FN1: variants seen among roughly 807,000 people sequenced by gnomAD.
The protein encoded by FN1 is fibronectin 1.
Under a neutral mutation model 297.3 loss-of-function variants are expected in FN1, and 106 were observed. The observed-to-expected ratio is 0.36, with a 90% CI of 0.30 to 0.42. FN1 has a LOEUF of 0.42. Among genes scored for constraint, FN1 ranks in the 10% least tolerant of loss-of-function variants. The pLI is 1.00. For missense variants in FN1, 2,690 were observed against 3,124.9 expected, an observed-to-expected ratio of 0.86 and a Z score of 3.32; for synonymous variants, 1,149 against 1,152.6, an observed-to-expected ratio of 1.00 and a Z score of 0.06.
At position 215,380,924 on chromosome 2, in the gene FN1, T is replaced by A. The variant is rs372281306; in HGVS notation, c.5321A>T (p.Glu1774Val). ...GCCTTGCAGCTCTGCAGTGTCTTCT[T>A]CACCATCAGGTGCAGGGAATAGCTC... is the stretch of plus-strand genomic sequence containing the variant. Reference protein sequence around the residue: ...IHELFPAPDGEEDTAELQGLR... With the variant: ...IHELFPAPDGVEDTAELQGLR... Residue 1774 changes from glutamate (E) to valine (V), a missense_variant, in exon 33 of 46, where the codon GAA becomes GTA. Physicochemically the swap from Glu to Val is moderately radical, Grantham distance 121. Around this residue, in one of 3 missense-constraint regions of FN1, gnomAD observed 1,743 missense variants for 1,945.2 expected, o/e 0.90. Coordinates refer to ENST00000354785, the MANE Select transcript of FN1 (RefSeq NM_212482.4). The A allele has an allele frequency of 1.2e-5, 19 of 1,614,106 alleles. No homozygotes were observed. The highest frequency in any genetic ancestry group is 1.5e-5 in the Non-Finnish European group (18 of 1,180,044).
At chr2:215,395,299 A>AG (rs887574989) in intron 23 of FN1, among the ~76,000 whole-genome samples, 7 of 152,180 alleles carry the variant, frequency 4.6e-5, no homozygotes, top group African/African-American at 1.7e-4. Context: ...ATTGATTGGG[A>AG]GGTTGAGGCA....
At position 215,420,710 on chromosome 2, in the gene FN1, G is replaced by A. The variant is rs368833093; in HGVS notation, c.1638C>T (p.Phe546=). Residue 546 remains phenylalanine, a synonymous_variant, in exon 11 of 46, where the codon TTC becomes TTT. Transcript: ENST00000354785. ...EEGHMLNCTC[F]GQGRGRWKCD... ...ACTTCCACCTGCCCCGACCCTGACC[G>A]AAGCATGTACAGTTCAGCATGTGCC... is the stretch of plus-strand genomic sequence containing the variant. The A allele has an allele frequency of 5.0e-5, 81 of 1,614,116 alleles. No homozygotes were observed. In the African/African-American group the frequency reaches 7.9e-4, roughly 16 times the overall value.
chr2:215,371,736 C>A, intron 40 of FN1, 173 bp downstream of exon 40: 1 of 518,394 alleles, frequency 1.9e-6, no homozygotes, highest in Non-Finnish European at 3.6e-6. Context: ...TGGTCTTGAA[C>A]TCCTAACCTC....
rs55953250 is a variant in FN1 at position 215,361,861 on chromosome 2, GT to G, written c.7362+107del. 0.026 allele frequency: 28,057 copies of G among 1,084,532 alleles called. 98 individuals carry two copies. The highest frequency in any genetic ancestry group is 0.032 in the Middle Eastern group (95 of 2,972). 67.2% of individuals were successfully genotyped at this position (1,084,532 alleles called of 1,614,324 possible). ...GTTTCACTTAAGTCATTTATGAGTT[GT>G]TTTTTTTTTTAATTAATTAAAACAC... On this transcript the variant is annotated intron_variant, in intron 45 of 45. Transcript: ENST00000354785.
chr2:215,434,744 T>C lies in FN1; in HGVS notation c.229A>G (p.Thr77Ala), dbSNP rs2067162435. 6.2e-7 allele frequency: 1 copy of C among 1,614,068 alleles called. No homozygotes were observed. The highest frequency in any genetic ancestry group is 1.3e-5 in the African/African-American group (1 of 74,936). The change falls in exon 2 of 46, where the codon ACT (threonine) becomes GCT (alanine). Residue 77 changes from threonine (T) to alanine (A), a missense_variant. Thr to Ala is a moderately conservative substitution (Grantham distance 58). Coordinates refer to ENST00000354785, the MANE Select transcript of FN1 (RefSeq NM_212482.4). ...RTYLGNALVCTCYGGSRGFNC... is the reference protein window; with the variant it reads ...RTYLGNALVCACYGGSRGFNC... ...AAACCTCGGCTTCCTCCATAACAAG[T>C]ACAAACCAACGCATTGCCTAGGTAG... is the stretch of plus-strand genomic sequence containing the variant.
At position 215,364,781 on chromosome 2, in the gene FN1, G is replaced by A. The variant is rs1174698576; in HGVS notation, c.7251+98C>T. ...GGAAATGTGGTATTTTAATACTTCC[G>A]AAGGGTCTCTGCCCCTCCTGTGTGT... On this transcript the variant is annotated intron_variant, in intron 44 of 45. Coordinates refer to ENST00000354785, the MANE Select transcript of FN1 (RefSeq NM_212482.4). 14 of 797,398 alleles carry A rather than the reference G, an allele frequency of 1.8e-5. No individual in the cohort carries two copies. The East Asian group carries it at 2.1e-4, about 12-fold the overall frequency. 49.4% of individuals were successfully genotyped at this position (797,398 alleles called of 1,614,324 possible).
At chr2:215,423,244 C>G (rs1213015830) in intron 9 of FN1, 106 bp downstream of exon 9, 1 of 1,193,372 alleles carries the variant, frequency 8.4e-7, no homozygotes, top group African/African-American at 1.5e-5. Context: ...TCTGTTGTCT[C>G]AAAATTGTGT....
intron 12 of FN1, among the ~76,000 whole-genome samples, chr2:215,418,551 C>A (rs1257843935): frequency 6.6e-6 from 1 of 152,142 alleles, no homozygotes; most frequent in African/African-American, 2.4e-5. Context: ...TTTTAATTAG[C>A]CTTTCATGTT....
rs1345012499 is a variant in FN1, at chr2:215,370,552, AAC to A, written c.6715-122_6715-121del. ...AAGCAAAGGAAGACAAAAAACAAAAAACAAAAAAAAAAAAAAGAGGGAGGGTA... is the reference window on the plus strand; with the variant it reads ...AAGCAAAGGAAGACAAAAAACAAAAAAAAAAAAAAAAAAAGAGGGAGGGTA... On this transcript the variant is annotated intron_variant, in intron 40 of 45. Transcript: ENST00000354785. The A allele has an allele frequency of 8.6e-4, 408 of 476,190 alleles. 24 individuals carry two copies. Among genetic ancestry groups the A allele is most frequent in the South Asian group, 3.7e-3 (101 of 27,580 alleles). 29.5% of individuals were successfully genotyped at this position (476,190 alleles called of 1,614,324 possible).
chr2:215,415,330 A>C, intron 12 of FN1, among the ~76,000 whole-genome samples: 1 of 152,194 alleles, frequency 6.6e-6, no homozygotes, highest in Non-Finnish European at 1.5e-5. Flanking sequence ...TCATTTACTT[A>C]TTGTATTGAG....
chr2:215,408,211 A>G lies in FN1; in HGVS notation c.2429-14T>C. On this transcript the variant is annotated splice_polypyrimidine_tract_variant and intron_variant, in intron 16 of 45. Transcript: ENST00000354785. ...GGGCATCAGGCGCTAAGAAAGAAAG[A>G]AAGTGGGGCAAACAGTCAGGAAGTG... The G allele has an allele frequency of 6.2e-7, 1 of 1,613,566 alleles. No homozygotes were observed. Among genetic ancestry groups the G allele is most frequent in the Non-Finnish European group, 8.5e-7 (1 of 1,179,538 alleles).
intron 35 of FN1, among the ~76,000 whole-genome samples, chr2:215,377,238 C>G (rs1334615798): frequency 1.3e-5 from 2 of 152,150 alleles, no homozygotes; most frequent in Admixed American, 1.3e-4. Context: ...ATTGATATAA[C>G]AGAAGACTAG....
intron 26 of FN1, among the ~76,000 whole-genome samples, chr2:215,390,121 C>T (rs1247797615): frequency 6.6e-6 from 1 of 152,188 alleles, no homozygotes; most frequent in East Asian, 1.9e-4. Context: ...TCCATTTCCA[C>T]CATACTAGCT....
chr2:215,361,935 T>C, intron 45 of FN1, 34 bp downstream of exon 45: 1 of 1,610,956 alleles, frequency 6.2e-7, no homozygotes, highest in Non-Finnish European at 8.5e-7. Context: ...CTGTCTAGTA[T>C]GAGGGAACAC....
chr2:215,383,633 G>A, intron 30 of FN1, 150 bp from the exon 31 acceptor site: 1 of 854,102 alleles, frequency 1.2e-6, no homozygotes, highest in Non-Finnish European at 1.9e-6. Context: ...AGAGCTTTTA[G>A]AGGGATGGGG....
At chr2:215,407,946 C>G (rs539793723) in intron 17 of FN1, among the ~76,000 whole-genome samples, 162 bp downstream of exon 17, 14 of 78,388 alleles carry the variant, frequency 1.8e-4, no homozygotes, top group Admixed American at 5.1e-4. Flanking sequence ...ATAACTCCCC[C>G]ACCCCCGCCA....
intron 41 of FN1, among the ~76,000 whole-genome samples, chr2:215,369,905 A>G (rs1436805784): frequency 6.6e-6 from 1 of 152,216 alleles, no homozygotes; most frequent in Non-Finnish European, 1.5e-5. Context: ...TTCAGTATTT[A>G]ATCACTCAAG....
intron 9 of FN1, among the ~76,000 whole-genome samples, chr2:215,422,470 G>C (rs2064579934): frequency 6.6e-6 from 1 of 152,142 alleles, no homozygotes; most frequent in African/African-American, 2.4e-5. Flanking sequence ...GTTACAGGAA[G>C]GGTTAGGGGA....
chr2:215,380,771 C>T, intron 33 of FN1, 40 bp downstream of exon 33: 1 of 1,611,600 alleles, frequency 6.2e-7, no homozygotes, highest in Non-Finnish European at 8.5e-7. Context: ...CATAAAGCCG[C>T]TGCTCCCATG....
Sources: gnomAD v4.1 joint callset for allele counts (sites outside exome capture counted in the v4.1 genomes callset) on GRCh38, gnomAD v4.1.1 for gene constraint, gnomAD v4.1.1 regional missense constraint, MANE v1.5 for transcripts, NCBI Gene and HGNC (gene_info 2026-07-23, HGNC 2026-07-21) for gene names.